Variants in SLC12A7 observed in about 807,000 individuals in gnomAD.
The protein encoded by SLC12A7 is K-Cl cotransporter 4.
Under a neutral mutation model 120.6 loss-of-function variants are expected in SLC12A7, and 100 were observed. That is an observed-to-expected ratio of 0.83 (90% CI 0.71 to 0.98). SLC12A7 has a LOEUF of 0.98. Ranked by LOEUF, SLC12A7 falls within the 50% of genes least tolerant of loss-of-function variation. The pLI is 0.00. For synonymous variants in SLC12A7, 760 were observed against 678.0 expected (o/e 1.12, Z -1.88); for missense variants, 1,373 against 1,548.1 (o/e 0.89, Z 1.90).
chr5:1,146,827 C>G, the SLC12A7 span, among the ~76,000 whole-genome samples: 3 of 152,164 alleles, frequency 2.0e-5, no homozygotes, highest in South Asian at 6.2e-4. This position sits in a 1 kb window ranked among gnomAD's most constrained non-coding sequence, Gnocchi z 6.5. Flanking sequence ...ATTTTTAAAT[C>G]TACCTATGAC....
chr5:1,079,288 C>T (rs942438458), intron 10 of SLC12A7, 110 bp downstream of exon 10: 1 of 830,304 alleles, frequency 1.2e-6, no homozygotes, highest in East Asian at 2.4e-5. Context: ...ACAGCCTAAC[C>T]TGGGAAGTCA....
At chr5:1,155,770 C>A in the SLC12A7 span, among the ~76,000 whole-genome samples, 1 of 150,636 alleles carries the variant, frequency 6.6e-6, no homozygotes, top group African/African-American at 2.4e-5. Flanking sequence ...GGGTCGGGGG[C>A]CCGGCGGGGG....
At chr5:1,155,170 G>A in the SLC12A7 span, among the ~76,000 whole-genome samples, 7 of 150,284 alleles carry the variant, frequency 4.7e-5, no homozygotes, top group Non-Finnish European at 7.4e-5. Flanking sequence ...ACACGGTTCT[G>A]CTCCCCGCAG....
chr5:1,135,903 CG>C, the SLC12A7 span, among the ~76,000 whole-genome samples: 7 of 152,200 alleles, frequency 4.6e-5, no homozygotes, highest in Non-Finnish European at 1.0e-4. Flanking sequence ...ACGCACTCCC[CG>C]TTTCCCTCAA....
At chr5:1,141,490 C>T in the SLC12A7 span, among the ~76,000 whole-genome samples, 1 of 152,132 alleles carries the variant, frequency 6.6e-6, no homozygotes, top group Non-Finnish European at 1.5e-5. Context: ...CACAGCTGTC[C>T]CTGCCTCCCT....
intron 22 of SLC12A7, among the ~76,000 whole-genome samples, chr5:1,053,995 G>A (rs1423701596): frequency 6.6e-6 from 1 of 152,232 alleles, no homozygotes; most frequent in Non-Finnish European, 1.5e-5. Context: ...GGGTCCAAGG[G>A]GCCGGAAGCT....
intron 9 of SLC12A7, 35 bp from the exon 10 acceptor site, chr5:1,079,531 G>A (rs1738766659): frequency 6.4e-7 from 1 of 1,556,466 alleles, no homozygotes; most frequent in Non-Finnish European, 8.9e-7. Context: ...AGACCCATCT[G>A]AGGAGTCAGT....
the SLC12A7 span, among the ~76,000 whole-genome samples, chr5:1,138,198 A>G: frequency 3.4e-5 from 3 of 87,528 alleles, no homozygotes; most frequent in Non-Finnish European, 6.6e-5. Context: ...GGAAAAGCGG[A>G]AAAAAACACA....
chr5:1,134,395 G>A, the SLC12A7 span, among the ~76,000 whole-genome samples: 5,721 of 152,114 alleles, frequency 0.038, 255 homozygotes, highest in African/African-American at 0.1. Context: ...ACTTGAACCC[G>A]GGAGGCAGAG....
rs898010899 is a variant in SLC12A7, at chr5:1,050,901, C to T, written c.*1459G>A. ...GGGGGCACAAGTGCAGCCTCTGCCC[C>T]GATTTGAACTTTGTTGATGGGGCTG... On this transcript the variant is annotated 3_prime_UTR_variant, in exon 24 of 24. Coordinates refer to ENST00000264930, the MANE Select transcript of SLC12A7 (RefSeq NM_006598.3). 1.3e-5 allele frequency: 5 copies of T among 398,528 alleles called. No individual in the cohort carries two copies. The highest frequency in any genetic ancestry group is 6.2e-4 in the Middle Eastern group (1 of 1,610). 24.7% of individuals were successfully genotyped at this position (398,528 alleles called of 1,614,324 possible).
At chr5:1,093,890 C>T (rs1021789136) in intron 2 of SLC12A7, among the ~76,000 whole-genome samples, 4 of 152,182 alleles carry the variant, frequency 2.6e-5, no homozygotes, top group Non-Finnish European at 5.9e-5. Flanking sequence ...GTGTCCAGCA[C>T]TCAGCAGCTC....
At chr5:1,056,229 C>T (rs1735592896) in intron 22 of SLC12A7, among the ~76,000 whole-genome samples, 1 of 152,196 alleles carries the variant, frequency 6.6e-6, no homozygotes, top group Admixed American at 6.5e-5. Flanking sequence ...AGCGCCTGAC[C>T]CAGAAGGACG....
At chr5:1,078,942 C>A (rs935687888) in intron 10 of SLC12A7, among the ~76,000 whole-genome samples, 184 bp from the exon 11 acceptor site, 8 of 152,092 alleles carry the variant, frequency 5.3e-5, no homozygotes, top group African/African-American at 1.4e-4. Context: ...GTGTCCTCAG[C>A]GCACCCTCCT....
intron 8 of SLC12A7, among the ~76,000 whole-genome samples, chr5:1,082,175 A>G (rs1167311283): frequency 3.4e-5 from 5 of 146,402 alleles, no homozygotes; most frequent in Admixed American, 2.0e-4. Context: ...CAGGTTCTGG[A>G]AAGTCCGGGC....
the SLC12A7 span, among the ~76,000 whole-genome samples, chr5:1,146,472 A>AT: frequency 1.3e-5 from 2 of 152,166 alleles, no homozygotes; most frequent in South Asian, 4.1e-4. This position sits in a 1 kb window ranked among gnomAD's most constrained non-coding sequence, Gnocchi z 6.5. Flanking sequence ...TGTAAACAAA[A>AT]AATAAAATTC....
chr5:1,088,416 G>A (rs550088048), intron 4 of SLC12A7, 56 bp from the exon 5 acceptor site: 48 of 1,520,630 alleles, frequency 3.2e-5, no homozygotes, highest in South Asian at 9.6e-5. Flanking sequence ...TGCCGGCATC[G>A]CAACACTCCC....
chr5:1,053,587 G>A, intron 22 of SLC12A7, 105 bp from the exon 23 acceptor site: 1 of 1,407,216 alleles, frequency 7.1e-7, no homozygotes, highest in Non-Finnish European at 9.6e-7. Context: ...TGTTGGAAAG[G>A]GCTGTGTGAG....
At chr5:1,097,289 C>T (rs183553046) in intron 1 of SLC12A7, among the ~76,000 whole-genome samples, 1 of 152,262 alleles carries the variant, frequency 6.6e-6, no homozygotes, top group South Asian at 2.1e-4. Flanking sequence ...ACATCCTTCC[C>T]GTCGCCTCCA....
chr5:1,093,871 G>A (rs894531169), intron 2 of SLC12A7, among the ~76,000 whole-genome samples: 4 of 152,178 alleles, frequency 2.6e-5, no homozygotes, highest in African/African-American at 9.6e-5. Context: ...CCATGGCAGG[G>A]ACCCCAGGGT....
Sources: allele counts gnomAD v4.1 joint callset (sites outside exome capture counted in the v4.1 genomes callset), GRCh38; gene constraint gnomAD v4.1.1; non-coding constraint Gnocchi (gnomAD v3.1); transcripts MANE v1.5; gene names NCBI Gene and HGNC (gene_info 2026-07-23, HGNC 2026-07-21).